Variants in PRDM2 observed in about 807,000 individuals in gnomAD.
PRDM2 encodes the protein PR domain zinc finger protein 2.
A neutral mutation model predicts 130.0 loss-of-function variants in PRDM2; 30 were observed. The ratio of observed to expected loss-of-function variants is 0.23; its 90% CI spans 0.17 to 0.31. PRDM2 has a LOEUF of 0.31. Among genes scored for constraint, PRDM2 ranks in the 10% least tolerant of loss-of-function variants. The pLI is 1.00. For missense variants in PRDM2, 2,011 were observed against 2,108.4 expected, an observed-to-expected ratio of 0.95 and a Z score of 0.90; for synonymous variants, 871 against 782.4, an observed-to-expected ratio of 1.11 and a Z score of -1.89.
At chr1:13,774,404 C>T (rs997619576) in intron 7 of PRDM2, among the ~76,000 whole-genome samples, 1 of 152,180 alleles carries the variant, frequency 6.6e-6, no homozygotes, top group African/African-American at 2.4e-5. Context: ...GGATGCCTTT[C>T]ATAACCATTT....
intron 8 of PRDM2, among the ~76,000 whole-genome samples, chr1:13,808,201 T>C (rs909360424): frequency 6.6e-6 from 1 of 152,102 alleles, no homozygotes; most frequent in Non-Finnish European, 1.5e-5. Context: ...CTAAAAACAG[T>C]TGATGCTGGG....
Position 13,741,987 on chromosome 1 carries a change from C to A in PRDM2, c.232-18C>A. On this transcript the variant is annotated intron_variant, in intron 4 of 9. Transcript: ENST00000311066. The stretch of plus-strand genomic sequence containing the variant: ...CTCCTATTTTAACAAAAGTTTTTTA[C>A]TTTTCTCCATTTTCAAGGTGTATTA... 1 of 1,511,878 alleles carries A rather than the reference C, an allele frequency of 6.6e-7. No homozygotes were observed. The highest frequency in any genetic ancestry group is 9.1e-7 in the Non-Finnish European group (1 of 1,099,310). The allele number at this position is 1,511,878 out of a possible 1,614,324, so 93.7% of individuals were successfully genotyped here.
At chr1:13,737,324 G>A (rs1280583272) in intron 4 of PRDM2, among the ~76,000 whole-genome samples, 1 of 152,234 alleles carries the variant, frequency 6.6e-6, no homozygotes, top group Non-Finnish European at 1.5e-5. Flanking sequence ...TCGAATTTCA[G>A]TTCATGAGTA....
At position 13,789,476 on chromosome 1, in the gene PRDM2, C is replaced by T. The variant is rs563650454; in HGVS notation, c.5036+6645C>T. On this transcript the variant is annotated intron_variant, in intron 8 of 9. Transcript: ENST00000311066. ...CTTGTATTTTCATAGTGGCTTTTTT[C>T]CCCACTTTATACTTCATATTCCAAA... Among the ~76,000 whole-genome samples, 3 of 152,224 alleles carry T rather than the reference C, an allele frequency of 2.0e-5. No individual in the cohort carries two copies. The East Asian group carries it at 5.8e-4, about 29-fold the overall frequency.
Position 13,782,361 on chromosome 1 carries a change from T to A in PRDM2, c.4566T>A (p.Ile1522=). 6.2e-7 allele frequency: 1 copy of A among 1,613,034 alleles called. No homozygotes were observed. The highest frequency in any genetic ancestry group is 8.5e-7 in the Non-Finnish European group (1 of 1,179,838). ...NHRRRTADAE[I]KMQSMQTPLG... The stretch of plus-strand genomic sequence containing the variant: ...GCAGACGGACAGCGGATGCGGAGAT[T>A]AAAATGCAAAGCATGCAGACTCCGT... The change falls in exon 8 of 10, where the codon ATT becomes ATA. Residue 1522 remains isoleucine, a synonymous_variant. Transcript: ENST00000311066.
intron 6 of PRDM2, among the ~76,000 whole-genome samples, chr1:13,763,328 G>C (rs909174170): frequency 6.6e-5 from 10 of 152,228 alleles, no homozygotes; most frequent in Admixed American, 3.3e-4. Context: ...TGTTTGAAGT[G>C]ATGATGTGTA....
At chr1:13,768,373 G>A (rs546590088) in intron 6 of PRDM2, among the ~76,000 whole-genome samples, 6 of 150,536 alleles carry the variant, frequency 4.0e-5, no homozygotes, top group African/African-American at 7.3e-5. Flanking sequence ...GTGAGCCACC[G>A]CGCCCGGCCT....
intron 8 of PRDM2, among the ~76,000 whole-genome samples, chr1:13,783,911 A>AGT (rs927792356): frequency 2.0e-5 from 3 of 152,128 alleles, no homozygotes; most frequent in Admixed American, 1.3e-4. Context: ...AGGGATCCTA[A>AGT]GTGTGGACGC....
chr1:13,752,508 T>C (rs1189244590), intron 6 of PRDM2, among the ~76,000 whole-genome samples: 1 of 152,214 alleles, frequency 6.6e-6, no homozygotes, highest in Non-Finnish European at 1.5e-5. Flanking sequence ...TAAAATAGCA[T>C]AGAAACGGTC....
At chr1:13,717,076 C>CT (rs1426347754) in intron 2 of PRDM2, among the ~76,000 whole-genome samples, 2 of 152,180 alleles carry the variant, frequency 1.3e-5, no homozygotes, top group African/African-American at 4.8e-5. Context: ...TCATTACTTT[C>CT]TTTATCAGAA....
In PRDM2 at chr1:13,731,136, A is replaced by G; in HGVS notation, c.127+19A>G. 5 of 1,593,086 alleles carry G rather than the reference A, an allele frequency of 3.1e-6. No homozygotes were observed. Among genetic ancestry groups the G allele is most frequent in the Non-Finnish European group, 3.4e-6 (4 of 1,162,528 alleles). On this transcript the variant is annotated intron_variant, in intron 3 of 9. Transcript: ENST00000311066. ...CGGATTGGTGAGTGCTCCTCCTGTC[A>G]CGGAGCAAGTCAGGCAGTAAAGAGC...
intron 5 of PRDM2, among the ~76,000 whole-genome samples, chr1:13,742,865 T>A (rs1643488291): frequency 6.6e-6 from 1 of 152,218 alleles, no homozygotes; most frequent in South Asian, 2.1e-4. Context: ...TGGATTAGCT[T>A]TTCTTTTCCC....
chr1:13,811,500 G>A (rs1645172881), intron 8 of PRDM2, among the ~76,000 whole-genome samples: 2 of 152,216 alleles, frequency 1.3e-5, no homozygotes, highest in Non-Finnish European at 2.9e-5. Context: ...GGCCGGGCCT[G>A]GGGAGGGTGT....
chr1:13,750,294 G>A (rs968989911), intron 6 of PRDM2, among the ~76,000 whole-genome samples: 7 of 151,926 alleles, frequency 4.6e-5, no homozygotes, highest in African/African-American at 1.7e-4. Flanking sequence ...TGTGAATTGG[G>A]GAATAGTTCA....
rs756929611 is a variant in PRDM2, at chr1:13,782,512, T to C, written c.4717T>C (p.Leu1573=). 1 of 1,614,032 alleles carries C rather than the reference T, an allele frequency of 6.2e-7. No individual in the cohort carries two copies. Among genetic ancestry groups the C allele is most frequent in the Non-Finnish European group, 8.5e-7 (1 of 1,179,994 alleles). Residue 1573 remains leucine, a synonymous_variant, in exon 8 of 10, where the codon TTA becomes CTA. Coordinates refer to ENST00000311066, the MANE Select transcript of PRDM2 (RefSeq NM_001393986.1). ...VKSKKPSSSS[L]RNSSPIRMAK... is the part of the protein sequence containing the mutation. ...ATCCAAAAAACCAAGCTCCTCCTCT[T>C]TAAGGAACTCCAGCCCGATAAGAAT...
At chr1:13,750,974 C>G (rs975706918) in intron 6 of PRDM2, among the ~76,000 whole-genome samples, 1 of 152,188 alleles carries the variant, frequency 6.6e-6, no homozygotes, top group Non-Finnish European at 1.5e-5. Flanking sequence ...ACAGTACCCT[C>G]TTTACTGTGC....
At chr1:13,789,278 T>C (rs1460471904) in intron 8 of PRDM2, among the ~76,000 whole-genome samples, 1 of 152,256 alleles carries the variant, frequency 6.6e-6, no homozygotes, top group Non-Finnish European at 1.5e-5. Context: ...GTGTTTCTGG[T>C]AAATGCCTTG....
chr1:13,722,103 T>G (rs1235578224), intron 2 of PRDM2, among the ~76,000 whole-genome samples: 5 of 152,170 alleles, frequency 3.3e-5, no homozygotes, highest in African/African-American at 1.2e-4. Flanking sequence ...CTGCTTGAAT[T>G]CAGACCCAAA....
At chr1:13,761,713 A>T (rs906343312) in intron 6 of PRDM2, among the ~76,000 whole-genome samples, 7 of 152,142 alleles carry the variant, frequency 4.6e-5, no homozygotes, top group African/African-American at 1.7e-4. Flanking sequence ...GAACCACCAC[A>T]GTGAACCAGT....
Sources: gnomAD v4.1 joint callset for allele counts (sites outside exome capture counted in the v4.1 genomes callset) on GRCh38, gnomAD v4.1.1 for gene constraint, MANE v1.5 for transcripts, NCBI Gene and HGNC (gene_info 2026-07-23, HGNC 2026-07-21) for gene names.